TTC21A: variants seen among roughly 807,000 people sequenced by gnomAD.
The protein encoded by TTC21A is tetratricopeptide repeat protein 21A.
Under a neutral mutation model 156.4 loss-of-function variants are expected in TTC21A, and 128 were observed. The observed-to-expected ratio is 0.82, with a 90% confidence interval of 0.71 to 0.95. The LOEUF (loss-of-function observed/expected upper bound fraction) is 0.95. TTC21A is among the 40% of genes least tolerant of loss of function. TTC21A has a pLI of 0.00. For synonymous variants in TTC21A, 587 were observed against 617.1 expected, an observed-to-expected ratio of 0.95 and a Z score of 0.72; for missense variants, 1,435 against 1,602.3, an observed-to-expected ratio of 0.90 and a Z score of 1.78.
intron 7 of TTC21A, chr3:39,118,520 C>A (rs1041943167): frequency 3.6e-6 from 1 of 276,300 alleles, no homozygotes; most frequent in African/African-American, 2.1e-5. Context: ...CAGTCCCTGG[C>A]ACACTACAGT....
chr3:39,108,856 G>A (rs903108199), intron 1 of TTC21A, among the ~76,000 whole-genome samples: 1 of 152,164 alleles, frequency 6.6e-6, no homozygotes, highest in African/African-American at 2.4e-5. Context: ...AGAATCTGTT[G>A]GTAATCCCCC....
chr3:39,132,933 C>A, intron 19 of TTC21A, 119 bp from the exon 20 acceptor site: 1 of 1,196,716 alleles, frequency 8.4e-7, no homozygotes, highest in Non-Finnish European at 1.2e-6. Context: ...CCAAATTTGC[C>A]CAAGGGCACT....
intron 1 of TTC21A, 97 bp from the exon 2 acceptor site, chr3:39,108,988 G>A (rs1229100515): frequency 2.2e-6 from 3 of 1,373,632 alleles, no homozygotes; most frequent in Non-Finnish European, 3.0e-6. Flanking sequence ...CTGAGGAGGA[G>A]CAGGGGATAG....
intron 9 of TTC21A, 147 bp from the exon 10 acceptor site, chr3:39,124,916 T>C: frequency 1.6e-6 from 1 of 640,844 alleles, no homozygotes. Flanking sequence ...TGAGCATGTA[T>C]TTCTCTTTAA....
intron 20 of TTC21A, 51 bp downstream of exon 20, chr3:39,133,291 C>T: frequency 6.4e-7 from 1 of 1,568,420 alleles, no homozygotes; most frequent in Non-Finnish European, 8.7e-7. Context: ...GGCACAATGA[C>T]TTGCTGAGCT....
rs2293313 is a variant in TTC21A at position 39,138,728 on chromosome 3, C to T, written c.3882C>T (p.Pro1294=). The T allele has an allele frequency of 0.021, 33,821 of 1,613,946 alleles. 941 individuals carry two copies. Among genetic ancestry groups the T allele is most frequent in the East Asian group, 0.14 (6,287 of 44,872 alleles). ...EICNDVLREH[P]DYPKIREEIL... ...TGTTCCAGGTCCTCAGGGAGCACCC[C>T]GACTACCCCAAGATCAGGGAGGAAA... The change falls in exon 29 of 29, where the codon CCC becomes CCT. Residue 1294 remains proline, a synonymous_variant. Coordinates refer to ENST00000683103, the MANE Select transcript of TTC21A (RefSeq NM_001366900.1).
chr3:39,122,861 T>A (rs1413708200), intron 9 of TTC21A, among the ~76,000 whole-genome samples: 6 of 152,236 alleles, frequency 3.9e-5, no homozygotes, highest in Non-Finnish European at 8.8e-5. Context: ...GGTCAGGATG[T>A]CTGTCCCACT....
rs754652685 is a variant in TTC21A at position 39,137,510 on chromosome 3, G to T, written c.3475G>T (p.Ala1159Ser). 2.4e-5 allele frequency: 38 copies of T among 1,614,096 alleles called. No individual in the cohort carries two copies. In the Admixed American group the frequency reaches 6.3e-4, roughly 27 times the overall value. The change falls in exon 26 of 29, where the codon GCC (alanine) becomes TCC (serine). Residue 1159 changes from alanine (A) to serine (S), a missense_variant. Physicochemically the swap from Ala to Ser is moderately conservative, Grantham distance 99. Coordinates refer to ENST00000683103, the MANE Select transcript of TTC21A (RefSeq NM_001366900.1). ...GAAGGACAGCGTCCCTGCCCTGCTGGCCTTGGCACAAGCCTACGTGTTCCT... is the reference window on the plus strand; with the variant it reads ...GAAGGACAGCGTCCCTGCCCTGCTGTCCTTGGCACAAGCCTACGTGTTCCT... The part of the protein sequence containing the change: ...AEKDSVPALL[A>S]LAQAYVFLKQ...
intron 5 of TTC21A, 78 bp from the exon 6 acceptor site, chr3:39,114,507 A>G: frequency 6.9e-7 from 1 of 1,443,272 alleles, no homozygotes; most frequent in Non-Finnish European, 9.7e-7. Flanking sequence ...TCATGGAGAC[A>G]CAGAGACAAC....
chr3:39,121,264 G>C, intron 9 of TTC21A, 75 bp downstream of exon 9: 1 of 1,345,162 alleles, frequency 7.4e-7, no homozygotes, highest in East Asian at 2.3e-5. Context: ...GTCCAGAAGA[G>C]AGGTGCTGGA....
intron 9 of TTC21A, among the ~76,000 whole-genome samples, chr3:39,123,147 A>G (rs780531900): frequency 7.9e-5 from 12 of 152,210 alleles, no homozygotes; most frequent in Non-Finnish European, 1.6e-4. Flanking sequence ...AGAACATGCT[A>G]CTGTGAAAAA....
chr3:39,113,687 GT>G (rs1327657825), intron 5 of TTC21A, among the ~76,000 whole-genome samples: 3 of 152,198 alleles, frequency 2.0e-5, no homozygotes, highest in African/African-American at 7.2e-5. Context: ...TTGTCATTTA[GT>G]TTGTTTTTCT....
chr3:39,125,184 G>A (rs781492498), intron 10 of TTC21A, 24 bp downstream of exon 10: 23 of 1,581,882 alleles, frequency 1.5e-5, no homozygotes, highest in Non-Finnish European at 1.8e-5. Flanking sequence ...GGGGGTATGG[G>A]TTGCTCCAGG....
At chr3:39,118,293 C>G in intron 7 of TTC21A, 140 bp downstream of exon 7, 2 of 789,366 alleles carry the variant, frequency 2.5e-6, no homozygotes, top group Non-Finnish European at 4.3e-6. Context: ...CCCCTATACT[C>G]GCTGCCAAGG....
intron 19 of TTC21A, 56 bp from the exon 20 acceptor site, chr3:39,132,996 G>A: frequency 6.3e-7 from 1 of 1,579,918 alleles, no homozygotes; most frequent in Non-Finnish European, 8.6e-7. Context: ...AGGACTTTCT[G>A]TGAACTGGTA....
In TTC21A at chr3:39,111,959, C is replaced by T. The variant is rs533672010; in HGVS notation, c.436-499C>T. Among the ~76,000 whole-genome samples the T allele has an allele frequency of 4.6e-5, 7 of 152,306 alleles. No homozygotes were observed. In the South Asian group the frequency reaches 1.2e-3, roughly 27 times the overall value. ...GCTAACATGGAACCAGCGAGGTCCA[C>T]GAGCTCAGAACGGCTCCTGCTCACC... is the stretch of plus-strand genomic sequence containing the variant. On this transcript the variant is annotated intron_variant, in intron 4 of 28. Transcript: ENST00000683103.
intron 15 of TTC21A, among the ~76,000 whole-genome samples, 186 bp downstream of exon 15, chr3:39,129,496 T>A (rs1226825334): frequency 1.3e-5 from 2 of 152,232 alleles, no homozygotes; most frequent in Non-Finnish European, 2.9e-5. Context: ...TGTTCATGGA[T>A]GAGGATACAG....
At position 39,136,897 on chromosome 3, in the gene TTC21A, A is replaced by G; in HGVS notation, c.3096-2A>G. On this transcript the variant is annotated splice_acceptor_variant, in intron 23 of 28. Transcript: ENST00000683103. LOFTEE classifies it high-confidence loss of function. ...TGATTCTTGGTGTTTTCTCCACCAC[A>G]GGCACATAGGGCAGCCCAACGAAGC... is the stretch of plus-strand genomic sequence containing the variant. 6.2e-7 allele frequency: 1 copy of G among 1,613,806 alleles called. No individual in the cohort carries two copies. The highest frequency in any genetic ancestry group is 1.3e-5 in the African/African-American group (1 of 75,042).
At chr3:39,109,236 T>C in intron 2 of TTC21A, 22 bp downstream of exon 2, 1 of 1,603,138 alleles carries the variant, frequency 6.2e-7, no homozygotes, top group Non-Finnish European at 8.5e-7. Flanking sequence ...GCAGTGTTGG[T>C]CTTGTGACCC....
Sources: allele counts gnomAD v4.1 joint callset (sites outside exome capture counted in the v4.1 genomes callset), GRCh38; gene constraint gnomAD v4.1.1; transcripts MANE v1.5; gene names NCBI Gene and HGNC (gene_info 2026-07-23, HGNC 2026-07-21).